The following ASCC3 variants were observed in gnomAD, a reference collection of about 807,000 sequenced individuals.
The protein encoded by ASCC3 is activating signal cointegrator 1 complex subunit 3.
Under a neutral mutation model 256.3 loss-of-function variants are expected in ASCC3, and 158 were observed. The observed-to-expected ratio is 0.62, with a 90% CI of 0.54 to 0.70. ASCC3 has a LOEUF of 0.70. Ranked by LOEUF, ASCC3 falls within the 30% of genes least tolerant of loss-of-function variation. The probability of loss-of-function intolerance (pLI) is 0.00; values close to 1 mark genes in which losing one functional copy is unlikely to be tolerated. For synonymous variants in ASCC3, 948 were observed against 883.4 expected (o/e 1.07, Z -1.30); for missense variants, 2,259 against 2,626.0 (o/e 0.86, Z 3.05).
chr6:100,514,001 T>A (rs9403824), intron 39 of ASCC3, among the ~76,000 whole-genome samples: 1 of 152,068 alleles, frequency 6.6e-6, no homozygotes, highest in Admixed American at 6.6e-5. Context: ...TCCTTTAATA[T>A]ATACTATAGA....
chr6:100,877,031 T>C (rs1774032983), intron 1 of ASCC3, among the ~76,000 whole-genome samples: 1 of 152,162 alleles, frequency 6.6e-6, no homozygotes, highest in South Asian at 2.1e-4. Flanking sequence ...ACATTTAAAA[T>C]TGTAATGTTT....
intron 13 of ASCC3, among the ~76,000 whole-genome samples, chr6:100,692,666 T>G (rs1415915472): frequency 6.6e-6 from 1 of 152,072 alleles, no homozygotes; most frequent in Non-Finnish European, 1.5e-5. Context: ...TTTAGGGCAT[T>G]AAGTGGTTAA....
At position 100,712,689 on chromosome 6, in the gene ASCC3, A is replaced by G. The variant is rs561397425; in HGVS notation, c.2151+2773T>C. Among the ~76,000 whole-genome samples the G allele has an allele frequency of 5.3e-5, 8 of 151,920 alleles. No homozygotes were observed. The South Asian group carries it at 1.2e-3, about 24-fold the overall frequency. On this transcript the variant is annotated intron_variant, in intron 13 of 41. Coordinates refer to ENST00000369162, the MANE Select transcript of ASCC3 (RefSeq NM_006828.4). The stretch of plus-strand genomic sequence containing the variant: ...AAAAATGGTATAGGTATTTTGGAAG[A>G]TAGTTTGGTAGTTTTTTAAAAAGCT...
intron 36 of ASCC3, among the ~76,000 whole-genome samples, chr6:100,584,480 CT>C (rs942920346): frequency 1.3e-5 from 2 of 152,034 alleles, no homozygotes; most frequent in African/African-American, 4.8e-5. Context: ...CTATGTGTGT[CT>C]CTGCACGTGA....
At position 100,650,522 on chromosome 6, in the gene ASCC3, G is replaced by A. The variant is rs756832398; in HGVS notation, c.3252+16C>T. ...TATTCAAGGAAGAGAAAACTGGAAG[G>A]GAATAAGATACTTACCTGTGCAACA... On this transcript the variant is annotated intron_variant, in intron 20 of 41. Transcript: ENST00000369162. The A allele has an allele frequency of 6.2e-6, 10 of 1,611,040 alleles. No individual in the cohort carries two copies. In the South Asian group the frequency reaches 1.1e-4, roughly 18 times the overall value.
intron 11 of ASCC3, among the ~76,000 whole-genome samples, chr6:100,723,129 T>A (rs1177421811): frequency 2.0e-5 from 3 of 151,728 alleles, no homozygotes; most frequent in African/African-American, 7.2e-5. Context: ...TGTCTCATAC[T>A]GATTCATATT....
chr6:100,530,424 C>G, intron 37 of ASCC3: 2 of 890,310 alleles, frequency 2.2e-6, no homozygotes, highest in Admixed American at 1.7e-5. Context: ...AAATCCTGAA[C>G]TTTATATATG....
rs1272308144 is a variant in ASCC3, at chr6:100,532,394, ATATATATATATATTTT to A, written c.5775+7753_5775+7768del. 5.5e-3 allele frequency among the ~76,000 whole-genome samples: 229 copies of A among 41,290 alleles called. 2 individuals are homozygous for A. The highest frequency in any genetic ancestry group is 9.3e-3 in the Admixed American group (31 of 3,322). The allele number at this position is 41,290 out of a possible 152,430, so 27.1% of individuals were successfully genotyped here. A position where few individuals can be genotyped will look rare whatever the true frequency, so the allele number is the denominator to read the frequency against. ...TGTATGTGTGTATATATATATATAT[ATATATATATATATTTT>A]TTTTTTTTTTTTTTTTTAAATTACA... On this transcript the variant is annotated intron_variant, in intron 37 of 41. Coordinates refer to ENST00000369162, the MANE Select transcript of ASCC3 (RefSeq NM_006828.4).
At chr6:100,696,314 T>C (rs1404989130) in intron 13 of ASCC3, among the ~76,000 whole-genome samples, 1 of 152,148 alleles carries the variant, frequency 6.6e-6, no homozygotes, top group Non-Finnish European at 1.5e-5. Flanking sequence ...GTTAATCATA[T>C]TTGAATATTT....
chr6:100,854,947 A>G (rs6908709), intron 3 of ASCC3, among the ~76,000 whole-genome samples: 22 of 151,896 alleles, frequency 1.4e-4, no homozygotes, highest in Non-Finnish European at 3.2e-4. Context: ...TTGCATCCAT[A>G]TATCAGATGC....
chr6:100,577,454 T>C (rs1169796191), intron 36 of ASCC3, among the ~76,000 whole-genome samples: 2 of 152,110 alleles, frequency 1.3e-5, no homozygotes, highest in Non-Finnish European at 2.9e-5. Flanking sequence ...GTAACTCACT[T>C]TGGACACATT....
chr6:100,709,786 C>T (rs954472326), intron 13 of ASCC3, among the ~76,000 whole-genome samples: 3 of 152,002 alleles, frequency 2.0e-5, no homozygotes, highest in Non-Finnish European at 4.4e-5. Context: ...TTAAAAGGCA[C>T]ATGTGTGAAT....
chr6:100,601,353 C>A (rs1206831980), intron 34 of ASCC3, among the ~76,000 whole-genome samples: 2 of 152,084 alleles, frequency 1.3e-5, no homozygotes, highest in African/African-American at 4.8e-5. Flanking sequence ...GAACGAAGAT[C>A]TAACATACTG....
intron 3 of ASCC3, among the ~76,000 whole-genome samples, chr6:100,853,187 A>T (rs973673277): frequency 1.1e-4 from 17 of 152,086 alleles, no homozygotes; most frequent in Non-Finnish European, 7.4e-5. Flanking sequence ...TTATAAAATA[A>T]TTTTTTAAAA....
At chr6:100,737,910 C>T (rs1448068192) in intron 10 of ASCC3, among the ~76,000 whole-genome samples, 3 of 152,078 alleles carry the variant, frequency 2.0e-5, no homozygotes, top group Admixed American at 1.3e-4. Flanking sequence ...TTTTTAGTAA[C>T]AGCCATTCTG....
At chr6:100,589,172 T>C (rs376026965) in intron 36 of ASCC3, among the ~76,000 whole-genome samples, 1 of 152,136 alleles carries the variant, frequency 6.6e-6, no homozygotes, top group East Asian at 1.9e-4. Flanking sequence ...TAAGGGTGTT[T>C]GTGGGGATGG....
At chr6:100,639,012 T>C (rs889208031) in intron 24 of ASCC3, among the ~76,000 whole-genome samples, 191 bp from the exon 25 acceptor site, 1 of 147,980 alleles carries the variant, frequency 6.8e-6, no homozygotes, top group Admixed American at 6.6e-5. Context: ...ATTTACCATA[T>C]TGACATACTG....
At chr6:100,683,652 A>G (rs1478459774) in intron 13 of ASCC3, among the ~76,000 whole-genome samples, 1 of 152,120 alleles carries the variant, frequency 6.6e-6, no homozygotes, top group Non-Finnish European at 1.5e-5. Context: ...TATTAGAAAC[A>G]CTTTTTGGTA....
chr6:100,748,324 T>G (rs1462073503), intron 10 of ASCC3, among the ~76,000 whole-genome samples: 8 of 151,368 alleles, frequency 5.3e-5, no homozygotes, highest in Non-Finnish European at 1.0e-4. Flanking sequence ...GGGGGAGAAA[T>G]TAAAAAAAAA....
Sources: allele counts gnomAD v4.1 joint callset (sites outside exome capture counted in the v4.1 genomes callset), GRCh38; gene constraint gnomAD v4.1.1; transcripts MANE v1.5; gene names NCBI Gene and HGNC (gene_info 2026-07-23, HGNC 2026-07-21).